The following CCT4 variants were observed in gnomAD, a reference collection of about 807,000 sequenced individuals.
CCT4 encodes T-complex protein 1 subunit delta.
Under a neutral mutation model 62.5 loss-of-function variants are expected in CCT4, and 17 were observed. The ratio of observed to expected loss-of-function variants is 0.27; its 90% CI spans 0.19 to 0.41. The LOEUF is 0.41. Ranked by LOEUF, CCT4 falls within the 10% of genes least tolerant of loss-of-function variation. The probability of loss-of-function intolerance (pLI) is 1.00; values close to 1 mark genes in which losing one functional copy is unlikely to be tolerated. For synonymous variants in CCT4, 250 were observed against 229.9 expected (o/e 1.09, Z -0.79); for missense variants, 592 against 659.2 (o/e 0.90, Z 1.12).
In CCT4 at chr2:61,868,507, T is replaced by C. The variant is rs1008537303; in HGVS notation, c.*185A>G. Reference sequence around the variant, plus strand: ...AATGTTGGGAGAAGATAAATCTGCCTTTTGAAACCAAATATTTAATATTTT... The same window carrying C: ...AATGTTGGGAGAAGATAAATCTGCCCTTTGAAACCAAATATTTAATATTTT... On this transcript the variant is annotated 3_prime_UTR_variant, in exon 14 of 14. Transcript: ENST00000394440. 1.2e-5 allele frequency: 6 copies of C among 514,896 alleles called. No individual in the cohort carries two copies. In the Admixed American group the frequency reaches 2.0e-4, roughly 17 times the overall value. 31.9% of individuals were successfully genotyped at this position (514,896 alleles called of 1,614,324 possible). A position where few individuals can be genotyped will look rare whatever the true frequency, so the allele number is the denominator to read the frequency against.
In CCT4 at chr2:61,876,199, C is replaced by G. The variant is rs147983733; in HGVS notation, c.813G>C (p.Gln271His). 6.2e-7 allele frequency: 1 copy of G among 1,610,312 alleles called. No homozygotes were observed. The highest frequency in any genetic ancestry group is 1.1e-5 in the South Asian group (1 of 90,536). ...DNQIVVSDYA[Q>H]MDRVLREERA... ...TCTCTTCTCGCAGCACTCGGTCCATCTGGGCATAGTCAGAAACCACTATTT... is the reference window on the plus strand; with the variant it reads ...TCTCTTCTCGCAGCACTCGGTCCATGTGGGCATAGTCAGAAACCACTATTT... The change falls in exon 8 of 14, where the codon CAG becomes CAC. Residue 271 changes from glutamine (Q) to histidine (H), a missense_variant. By Grantham distance (24) the Gln-to-His change is conservative (BLOSUM62 0). Coordinates refer to ENST00000394440, the MANE Select transcript of CCT4 (RefSeq NM_006430.4).
At chr2:61,875,582 C>CA (rs35222263) in intron 8 of CCT4, among the ~76,000 whole-genome samples, 302 of 110,380 alleles carry the variant, frequency 2.7e-3, no homozygotes, top group Middle Eastern at 4.5e-3. Context: ...GACTCTGTCT[C>CA]AAAAAAAAAA....
At chr2:61,887,600 T>C (rs1186019785) in intron 1 of CCT4, among the ~76,000 whole-genome samples, 1 of 152,222 alleles carries the variant, frequency 6.6e-6, no homozygotes, top group Non-Finnish European at 1.5e-5. Context: ...GATTTTTCTA[T>C]TTCAACTCGA....
Position 61,872,586 on chromosome 2 carries a change from A to C in CCT4, c.1128T>G (p.Ile376Met), listed in dbSNP as rs1435525089. Residue 376 changes from isoleucine to methionine, a missense_variant and splice_region_variant, in exon 11 of 14, where the codon ATT becomes ATG. Ile to Met is a conservative substitution (Grantham distance 10). Around this residue, in one of 3 missense-constraint regions of CCT4, gnomAD observed 522 missense variants for 571.2 expected, o/e 0.91. Coordinates refer to ENST00000394440, the MANE Select transcript of CCT4 (RefSeq NM_006430.4). ...TTTTTCCAGGGCTGGCACAGCCTGT[A>C]ATCTTCAGTAAACAAATTCCAAATT... is the stretch of plus-strand genomic sequence containing the variant. ...NLNGSGKLLK[I>M]TGCASPGKTV... is the part of the protein sequence containing the mutation. 6.2e-7 allele frequency: 1 copy of C among 1,612,876 alleles called. No homozygotes were observed. The highest frequency in any genetic ancestry group is 1.3e-5 in the African/African-American group (1 of 74,862).
Position 61,877,229 on chromosome 2 carries a change from TAAAC to T in CCT4, c.644+160_644+163del, listed in dbSNP as rs1426789258. On this transcript the variant is annotated intron_variant, in intron 6 of 13. Transcript: ENST00000394440. Reference sequence around the variant, plus strand: ...GCTGCCTTACTATCATAAGGTAACATAAACAAAATCTCCAGATGCCCATACTAAT... The same window carrying T: ...GCTGCCTTACTATCATAAGGTAACATAAAATCTCCAGATGCCCATACTAAT... 2.6e-5 allele frequency among the ~76,000 whole-genome samples: 4 copies of T among 152,262 alleles called. 1 individual carries two copies. The highest frequency in any genetic ancestry group is 9.6e-5 in the African/African-American group (4 of 41,542).
rs35906450 is a variant in CCT4, at chr2:61,868,399, T to C, written c.*293A>G. The C allele has an allele frequency of 0.049, 17,182 of 353,192 alleles. 607 individuals are homozygous for C. Among genetic ancestry groups the C allele is most frequent in the Non-Finnish European group, 0.065 (12,435 of 192,518 alleles). 21.9% of individuals were successfully genotyped at this position (353,192 alleles called of 1,614,324 possible). ...TATCAGTGATGAGCATATTGGGCCA[T>C]TTTTTTCCTCAACATGTAAACTCAC... On this transcript the variant is annotated 3_prime_UTR_variant, in exon 14 of 14. Coordinates refer to ENST00000394440, the MANE Select transcript of CCT4 (RefSeq NM_006430.4).
intron 1 of CCT4, among the ~76,000 whole-genome samples, chr2:61,887,237 T>C (rs1487636411): frequency 6.6e-6 from 1 of 152,202 alleles, no homozygotes; most frequent in Non-Finnish European, 1.5e-5. Context: ...TAGAAACTAT[T>C]ACTTTTTCTT....
intron 2 of CCT4, among the ~76,000 whole-genome samples, chr2:61,884,199 A>C (rs1025895071): frequency 1.2e-4 from 19 of 152,204 alleles, no homozygotes; most frequent in African/African-American, 3.1e-4. Context: ...TTGGGTGTGC[A>C]TTCTCATTGT....
intron 1 of CCT4, chr2:61,888,134 A>G: frequency 2.2e-6 from 1 of 460,826 alleles, no homozygotes; most frequent in Non-Finnish European, 3.8e-6. Context: ...AATGATGCAC[A>G]GTGCAGGATG....
chr2:61,888,352 C>A (rs911828113), intron 1 of CCT4, 29 bp downstream of exon 1: 1 of 1,601,300 alleles, frequency 6.2e-7, no homozygotes, highest in Non-Finnish European at 8.5e-7. Context: ...AACCCCGCGG[C>A]GCCGCGGGTC....
Position 61,868,726 on chromosome 2 carries a change from G to A in CCT4, c.1606-20C>T. ...GTTTACCTGATAAGAGAAAAACTTA[G>A]ATTTCAAAACCTGTAATGACAGAAT... On this transcript the variant is annotated intron_variant, in intron 13 of 13. Transcript: ENST00000394440. 1.3e-6 allele frequency: 2 copies of A among 1,560,726 alleles called. No homozygotes were observed. The highest frequency in any genetic ancestry group is 2.2e-5 in the East Asian group (1 of 44,596).
intron 12 of CCT4, 109 bp from the exon 13 acceptor site, chr2:61,869,662 TAAG>T (rs1284867302): frequency 1.2e-5 from 8 of 645,746 alleles, no homozygotes; most frequent in East Asian, 1.1e-4. Context: ...TCTTTCTGTC[TAAG>T]AAGATTAGAA....
rs1669056261 is a variant in CCT4 at position 61,879,000 on chromosome 2, T to A, written c.391A>T (p.Thr131Ser). The change falls in exon 5 of 14, where the codon ACC (threonine) becomes TCC (serine). Residue 131 changes from threonine to serine, a missense_variant. This residue lies in a region of CCT4 where 522 missense variants were observed against 571.2 expected (regional missense o/e 0.91). Transcript: ENST00000394440. ...TTCTGGAATGACTCAGAAATGATGG[T>A]TGGATGAATCCCTGTAATTTGTGAA... ...TKLLQKGIHP[T>S]IISESFQKAL... 6.2e-7 allele frequency: 1 copy of A among 1,603,876 alleles called. No homozygotes were observed. Among genetic ancestry groups the A allele is most frequent in the African/African-American group, 1.3e-5 (1 of 74,642 alleles).
At chr2:61,877,303 T>C (rs1053861876) in intron 6 of CCT4, 90 bp downstream of exon 6, 10 of 1,280,418 alleles carry the variant, frequency 7.8e-6, no homozygotes. Flanking sequence ...AAGAGAGCTT[T>C]GTGACTTTCA....
intron 8 of CCT4, among the ~76,000 whole-genome samples, chr2:61,874,970 C>T (rs59767214): frequency 0.4 from 60,127 of 151,780 alleles, 12,108 homozygotes; most frequent in Middle Eastern, 0.46. Flanking sequence ...CAGAGAAACC[C>T]CGTCTCTACT....
chr2:61,882,212 C>T lies in CCT4; in HGVS notation c.270+1247G>A, dbSNP rs1033019255. On this transcript the variant is annotated intron_variant, in intron 3 of 13. Coordinates refer to ENST00000394440, the MANE Select transcript of CCT4 (RefSeq NM_006430.4). ...CCTCCCAAAGTGCTGGGATTACAGG[C>T]ACGAGCCACTGCGACCAGACTGATA... Among the ~76,000 whole-genome samples, 3 of 152,088 alleles carry T rather than the reference C, an allele frequency of 2.0e-5. No individual in the cohort carries two copies. The South Asian group carries it at 6.2e-4, about 32-fold the overall frequency.
chr2:61,883,335 TG>T, intron 3 of CCT4, 123 bp downstream of exon 3: 1 of 562,256 alleles, frequency 1.8e-6, no homozygotes, highest in Non-Finnish European at 3.1e-6. Context: ...GCAGGAGAAA[TG>T]AATCTGGGAG....
intron 3 of CCT4, among the ~76,000 whole-genome samples, chr2:61,882,437 C>T (rs1669138886): frequency 1.3e-5 from 2 of 152,026 alleles, no homozygotes; most frequent in Admixed American, 1.3e-4. Flanking sequence ...TGCTATGCAC[C>T]ATACCCTAAT....
At chr2:61,875,969 A>G in intron 8 of CCT4, 126 bp downstream of exon 8, 1 of 571,260 alleles carries the variant, frequency 1.8e-6, no homozygotes. Context: ...TTCACCTAAG[A>G]GTTGTCTGTT....
Sources: allele counts gnomAD v4.1 joint callset (sites outside exome capture counted in the v4.1 genomes callset), GRCh38; gene constraint gnomAD v4.1.1; regional missense constraint gnomAD v4.1.1; transcripts MANE v1.5; gene names NCBI Gene and HGNC (gene_info 2026-07-23, HGNC 2026-07-21).